ETFA: variants seen among roughly 807,000 people sequenced by gnomAD.
ETFA encodes electron transfer flavoprotein subunit alpha.
In ETFA, 22 loss-of-function variants were observed where a neutral mutation model predicts 46.2. The ratio of observed to expected loss-of-function variants is 0.48; its 90% CI spans 0.34 to 0.68. The LOEUF (loss-of-function observed/expected upper bound fraction) is 0.68, where lower values mean the gene tolerates loss of function less well. ETFA is among the 30% of genes least tolerant of loss of function. The pLI, the probability that ETFA is intolerant of heterozygous loss-of-function variation, is 0.01. For missense variants in ETFA, 345 were observed against 401.1 expected, an observed-to-expected ratio of 0.86 and a Z score of 1.19; for synonymous variants, 131 against 139.9, an observed-to-expected ratio of 0.94 and a Z score of 0.45.
At chr15:76,276,262 A>G (rs1297970585) in intron 8 of ETFA, among the ~76,000 whole-genome samples, 2 of 151,980 alleles carry the variant, frequency 1.3e-5, no homozygotes, top group Non-Finnish European at 2.9e-5. Context: ...AGCACTTTAA[A>G]CATTTTACTA....
intron 9 of ETFA, among the ~76,000 whole-genome samples, chr15:76,257,829 T>C (rs1201756125): frequency 1.3e-5 from 2 of 151,816 alleles, no homozygotes; most frequent in Admixed American, 6.6e-5. Flanking sequence ...CATGGAATAC[T>C]ATGCAGCCAT....
At chr15:76,264,490 A>G (rs2039450726) in intron 9 of ETFA, among the ~76,000 whole-genome samples, 1 of 152,196 alleles carries the variant, frequency 6.6e-6, no homozygotes, top group South Asian at 2.1e-4. Context: ...AGGGGGAAAA[A>G]TATCCTTCTT....
At chr15:76,276,690 T>C (rs1157701938) in intron 8 of ETFA, among the ~76,000 whole-genome samples, 1 of 152,202 alleles carries the variant, frequency 6.6e-6, no homozygotes, top group African/African-American at 2.4e-5. Context: ...AGGTTTCTAC[T>C]GAGATATCCT....
chr15:76,287,920 TTGGC>T lies in ETFA; in HGVS notation c.373_376del (p.Ala125AsnfsTer20), dbSNP rs1284802773. 6.2e-7 allele frequency: 1 copy of T among 1,613,942 alleles called. No homozygotes were observed. The highest frequency in any genetic ancestry group is 8.5e-7 in the Non-Finnish European group (1 of 1,179,922). ...GTCAGAAATCGGGGCAACCTCAAGT[TTGGC>T]TGCTACTCTGGGCAAAAGGTTCTAA... On this transcript the variant is annotated frameshift_variant, in exon 5 of 12. Coordinates refer to ENST00000557943, the MANE Select transcript of ETFA (RefSeq NM_000126.4). LOFTEE classifies it high-confidence loss of function.
At chr15:76,302,782 T>C (rs1225257309) in intron 1 of ETFA, among the ~76,000 whole-genome samples, 1 of 152,198 alleles carries the variant, frequency 6.6e-6, no homozygotes. Context: ...CCAGGAAGAC[T>C]CTCTGTACTT....
chr15:76,256,262 GAAAAAAAAAAAA>G (rs59670988), intron 9 of ETFA, among the ~76,000 whole-genome samples: 3 of 95,714 alleles, frequency 3.1e-5, no homozygotes, highest in Non-Finnish European at 6.3e-5. Flanking sequence ...CCGTCTCAAG[GAAAAAAAAAAAA>G]AAAAAAAAAT....
At chr15:76,227,933 A>T (rs543966771) in intron 10 of ETFA, 19 of 456,126 alleles carry the variant, frequency 4.2e-5, no homozygotes, top group Admixed American at 3.3e-4. Context: ...ACACATTAAG[A>T]TGCATAGTCA....
At chr15:76,274,067 T>A (rs1458752939) in intron 9 of ETFA, 2 of 248,584 alleles carry the variant, frequency 8.0e-6, no homozygotes, top group African/African-American at 4.4e-5. Context: ...GATTTTATAC[T>A]CTCTAAAGGC....
chr15:76,228,751 CTTTTTTTTTTTTT>C (rs990306452), intron 10 of ETFA: 3 of 115,088 alleles, frequency 2.6e-5, no homozygotes, highest in African/African-American at 1.0e-4. Flanking sequence ...ATTATTATTA[CTTTTTTTTTTTTT>C]TTTTTTTTTA....
intron 9 of ETFA, among the ~76,000 whole-genome samples, chr15:76,234,277 C>A (rs2141466855): frequency 6.6e-6 from 1 of 152,232 alleles, no homozygotes; most frequent in African/African-American, 2.4e-5. Flanking sequence ...GGAAGAGAGG[C>A]TTTTTCCCTC....
At chr15:76,241,694 C>T (rs1471483009) in intron 9 of ETFA, among the ~76,000 whole-genome samples, 7 of 143,724 alleles carry the variant, frequency 4.9e-5, no homozygotes, top group South Asian at 2.3e-4. Context: ...CCCAGCTACT[C>T]GGGAGGCTGA....
intron 9 of ETFA, chr15:76,261,674 C>T: frequency 2.8e-6 from 1 of 361,620 alleles, no homozygotes; most frequent in Non-Finnish European, 5.0e-6. Context: ...CCGCCCCATG[C>T]TGTGCCTCAG....
chr15:76,299,934 TTGCAACAATCC>T, intron 1 of ETFA, among the ~76,000 whole-genome samples: 1 of 152,254 alleles, frequency 6.6e-6, no homozygotes, highest in Admixed American at 6.5e-5. Context: ...CTCTCCCCAT[TTGCAACAATCC>T]TGCTAAAAAG....
chr15:76,224,941 G>T (rs747931393), intron 11 of ETFA, among the ~76,000 whole-genome samples: 9 of 152,114 alleles, frequency 5.9e-5, no homozygotes, highest in Non-Finnish European at 1.2e-4. Flanking sequence ...TTTTTCTCAT[G>T]GGAAGGTCAA....
intron 9 of ETFA, among the ~76,000 whole-genome samples, chr15:76,266,639 C>G (rs2039472933): frequency 6.6e-6 from 1 of 152,196 alleles, no homozygotes. Flanking sequence ...TGCGGTGACT[C>G]ATGCCTGTAA....
At chr15:76,292,351 G>A in intron 4 of ETFA, 80 bp downstream of exon 4, 2 of 951,592 alleles carry the variant, frequency 2.1e-6, no homozygotes, top group African/African-American at 1.6e-5. Flanking sequence ...TACATAAACA[G>A]TCTGTTGCAT....
chr15:76,234,249 G>C (rs1555455912), intron 9 of ETFA, among the ~76,000 whole-genome samples: 1 of 152,078 alleles, frequency 6.6e-6, no homozygotes, highest in Non-Finnish European at 1.5e-5. Flanking sequence ...CTGCTCTGAG[G>C]CTCTGATAGC....
At chr15:76,306,267 C>CTTTT (rs35290919) in intron 1 of ETFA, among the ~76,000 whole-genome samples, 4 of 109,478 alleles carry the variant, frequency 3.7e-5, no homozygotes, top group East Asian at 3.5e-4. Flanking sequence ...TTTTTTGCTT[C>CTTTT]TTTTTTTTTT....
intron 4 of ETFA, among the ~76,000 whole-genome samples, chr15:76,291,342 G>A (rs959133617): frequency 6.6e-6 from 1 of 151,858 alleles, no homozygotes; most frequent in South Asian, 2.1e-4. Flanking sequence ...ACACACGGGA[G>A]GCTGAGGCAG....
Sources: gnomAD v4.1 joint callset for allele counts (sites outside exome capture counted in the v4.1 genomes callset) on GRCh38, gnomAD v4.1.1 for gene constraint, MANE v1.5 for transcripts, NCBI Gene and HGNC (gene_info 2026-07-23, HGNC 2026-07-21) for gene names.